The following MARK3 variants were observed in gnomAD, a reference collection of about 807,000 sequenced individuals.
MARK3 encodes MAP/microtubule affinity-regulating kinase 3.
MARK3 carries 46 observed loss-of-function variants against 90.1 expected under a neutral mutation model. The ratio of observed to expected loss-of-function variants is 0.51; its 90% CI spans 0.40 to 0.65. The LOEUF (loss-of-function observed/expected upper bound fraction) is 0.65, where lower values mean the gene tolerates loss of function less well. Among genes scored for constraint, MARK3 ranks in the 30% least tolerant of loss-of-function variants. The probability of loss-of-function intolerance (pLI) is 0.00; values close to 1 mark genes in which losing one functional copy is unlikely to be tolerated. For missense variants in MARK3, 818 were observed against 947.2 expected (o/e 0.86, Z 1.79); for synonymous variants, 321 against 332.6 (o/e 0.97, Z 0.38).
intron 7 of MARK3, among the ~76,000 whole-genome samples, chr14:103,464,693 T>TA (rs35431097): frequency 1.3e-5 from 2 of 152,092 alleles, no homozygotes; most frequent in Non-Finnish European, 2.9e-5. Context: ...TGCCCCTTTT[T>TA]AAAAAAAGTT....
chr14:103,500,579 C>G, intron 17 of MARK3, among the ~76,000 whole-genome samples: 1 of 152,068 alleles, frequency 6.6e-6, no homozygotes, highest in East Asian at 1.9e-4. Context: ...ATATTTCAAA[C>G]TAGATATGTT....
chr14:103,427,448 C>T (rs1264950194), intron 2 of MARK3, among the ~76,000 whole-genome samples: 6 of 131,844 alleles, frequency 4.6e-5, no homozygotes, highest in East Asian at 2.3e-4. Flanking sequence ...TGCAATGAGC[C>T]GAGATCATGT....
Position 103,408,223 on chromosome 14 carries a change from GT to G in MARK3, c.243+2958del, listed in dbSNP as rs757340211. Among the ~76,000 whole-genome samples the G allele has an allele frequency of 6.6e-5, 10 of 152,108 alleles. No individual in the cohort carries two copies. In the South Asian group the frequency reaches 1.7e-3, roughly 25 times the overall value. On this transcript the variant is annotated intron_variant, in intron 2 of 17. Transcript: ENST00000429436. Reference sequence around the variant, plus strand: ...GTGGTGTTGGCAACAGAGTCTCACTGTTGCCCAGGCTGGAGTGCAGTGGCGT... The same window carrying G: ...GTGGTGTTGGCAACAGAGTCTCACTGTGCCCAGGCTGGAGTGCAGTGGCGT...
At chr14:103,444,326 T>C (rs2092938666) in intron 3 of MARK3, among the ~76,000 whole-genome samples, 1 of 152,132 alleles carries the variant, frequency 6.6e-6, no homozygotes, top group African/African-American at 2.4e-5. Context: ...GCCAGTTCCA[T>C]AGAGGATGTA....
Position 103,426,891 on chromosome 14 carries a change from TAA to T in MARK3, c.244-1479_244-1478del, listed in dbSNP as rs59517015. On this transcript the variant is annotated intron_variant, in intron 2 of 17. Coordinates refer to ENST00000429436, the MANE Select transcript of MARK3 (RefSeq NM_001128918.3). The stretch of plus-strand genomic sequence containing the variant: ...TAACTGCCCAAAGGGCTTTTCTATT[TAA>T]AAAAAAAAAAAAAAAATTTTTAAAG... 4.9e-3 allele frequency among the ~76,000 whole-genome samples: 734 copies of T among 149,328 alleles called. 4 individuals carry two copies. The highest frequency in any genetic ancestry group is 0.01 in the Middle Eastern group (3 of 290).
chr14:103,493,813 T>C (rs2075153112), intron 15 of MARK3, among the ~76,000 whole-genome samples: 1 of 143,472 alleles, frequency 7.0e-6, no homozygotes, highest in African/African-American at 2.6e-5. Flanking sequence ...AGGCAGAGGT[T>C]GCAGTGAGCC....
chr14:103,460,277 G>A (rs2093374794), intron 6 of MARK3, among the ~76,000 whole-genome samples: 1 of 151,426 alleles, frequency 6.6e-6, no homozygotes, highest in African/African-American at 2.4e-5. Flanking sequence ...AGTAGAGACA[G>A]GATTTCACTG....
At chr14:103,465,430 T>C (rs2093484415) in intron 7 of MARK3, 127 bp from the exon 8 acceptor site, 1 of 639,614 alleles carries the variant, frequency 1.6e-6, no homozygotes, top group South Asian at 1.9e-5. Flanking sequence ...CTAGAAAGAA[T>C]GTTTTCACAT....
intron 2 of MARK3, among the ~76,000 whole-genome samples, chr14:103,411,948 T>G: frequency 1.4e-5 from 1 of 68,982 alleles, no homozygotes; most frequent in Non-Finnish European, 3.1e-5. Flanking sequence ...AAAATTTTCA[T>G]AGCTTTTTTT....
chr14:103,423,767 A>G (rs1372038630), intron 2 of MARK3, among the ~76,000 whole-genome samples: 6 of 152,204 alleles, frequency 3.9e-5, no homozygotes, highest in African/African-American at 1.4e-4. Context: ...TGTCACATCA[A>G]ATGATGGTGT....
At chr14:103,405,328 G>A (rs553136526) in intron 2 of MARK3, 61 bp downstream of exon 2, 1,040 of 1,298,768 alleles carry the variant, frequency 8.0e-4, no homozygotes, top group Non-Finnish European at 1.0e-3. Context: ...CCATGTAAGA[G>A]AAAGAAAAGA....
intron 12 of MARK3, among the ~76,000 whole-genome samples, chr14:103,472,384 G>A (rs1295270596): frequency 6.6e-6 from 1 of 150,878 alleles, no homozygotes; most frequent in African/African-American, 2.4e-5. Flanking sequence ...CTGGCCGGTC[G>A]CATAATCCCA....
chr14:103,466,293 T>C (rs757251672), intron 9 of MARK3, 50 bp from the exon 10 acceptor site: 1 of 1,391,504 alleles, frequency 7.2e-7, no homozygotes, highest in East Asian at 2.3e-5. Context: ...ATATTACGGT[T>C]ATCAGAATAT....
chr14:103,444,225 TTCTC>T (rs2092935773), intron 3 of MARK3, among the ~76,000 whole-genome samples: 1 of 152,028 alleles, frequency 6.6e-6, no homozygotes, highest in East Asian at 1.9e-4. Context: ...GTTTCTTTAC[TTCTC>T]TGATACCGTA....
chr14:103,478,294 CAAA>C (rs745554491), intron 13 of MARK3, among the ~76,000 whole-genome samples: 10 of 125,258 alleles, frequency 8.0e-5, no homozygotes, highest in Admixed American at 1.7e-4. Context: ...GGCTCCATCT[CAAA>C]AAAAAAAAAA....
intron 6 of MARK3, among the ~76,000 whole-genome samples, chr14:103,457,542 A>G (rs2093302628): frequency 6.6e-6 from 1 of 152,216 alleles, no homozygotes; most frequent in African/African-American, 2.4e-5. Context: ...AGCAAGCAGA[A>G]TGTCAGAACC....
At chr14:103,494,789 A>C (rs997044528) in intron 15 of MARK3, among the ~76,000 whole-genome samples, 1 of 151,920 alleles carries the variant, frequency 6.6e-6, no homozygotes, top group Non-Finnish European at 1.5e-5. Flanking sequence ...GGCGCCCACC[A>C]TCGCGCCTGG....
intron 2 of MARK3, chr14:103,412,436 G>T (rs1452094559): frequency 3.5e-6 from 2 of 571,078 alleles, no homozygotes; most frequent in Non-Finnish European, 6.3e-6. Context: ...AGACTCTGAA[G>T]CCAAAAATGC....
chr14:103,482,086 C>A (rs1216235216), intron 14 of MARK3, among the ~76,000 whole-genome samples: 1 of 151,800 alleles, frequency 6.6e-6, no homozygotes, highest in Non-Finnish European at 1.5e-5. Context: ...TAATAGTAGT[C>A]TACTCTCTGG....
Sources: gnomAD v4.1 joint callset for allele counts (sites outside exome capture counted in the v4.1 genomes callset) on GRCh38, gnomAD v4.1.1 for gene constraint, MANE v1.5 for transcripts, NCBI Gene and HGNC (gene_info 2026-07-23, HGNC 2026-07-21) for gene names.